The following METTL24 variants were observed in gnomAD, a reference collection of about 807,000 sequenced individuals.
The protein encoded by METTL24 is probable methyltransferase-like protein 24.
In METTL24, 29 loss-of-function variants were observed where a neutral mutation model predicts 32.7. The observed-to-expected ratio is 0.89, with a 90% CI of 0.66 to 1.21. The LOEUF (loss-of-function observed/expected upper bound fraction) is 1.21, where lower values mean the gene tolerates loss of function less well. Among genes scored for constraint, METTL24 ranks in the 50% most tolerant of loss-of-function variants. The pLI is 0.00. For synonymous variants in METTL24, 163 were observed against 179.5 expected (o/e 0.91, Z 0.73); for missense variants, 439 against 468.1 (o/e 0.94, Z 0.57).
chr6:110,245,836 CA>C lies in METTL24; in HGVS notation c.*109del. On this transcript the variant is annotated 3_prime_UTR_variant, in exon 5 of 5. Transcript: ENST00000338882. ...GCCCGCAATAACACACTCCCTGCCT[CA>C]AGCAGGGCACAGGCTAGCAGGAGAC... 1 of 1,115,560 alleles carries C rather than the reference CA, an allele frequency of 9.0e-7. No individual in the cohort carries two copies. Among genetic ancestry groups the C allele is most frequent in the South Asian group, 1.5e-5 (1 of 67,366 alleles). The allele number at this position is 1,115,560 out of a possible 1,614,324, so 69.1% of individuals were successfully genotyped here.
chr6:110,295,794 AAAGGAAGGAAGGAAGG>A (rs71018387), intron 4 of METTL24, among the ~76,000 whole-genome samples: 39 of 136,322 alleles, frequency 2.9e-4, no homozygotes, highest in Admixed American at 1.2e-3. Flanking sequence ...AGAAAGAAAG[AAAGGAAGGAAGGAAGG>A]AAGGAAGGAA....
At chr6:110,350,749 G>C (rs1015474474) in intron 1 of METTL24, among the ~76,000 whole-genome samples, 11 of 106,582 alleles carry the variant, frequency 1.0e-4, no homozygotes, top group African/African-American at 2.1e-4. Flanking sequence ...AACATAGTGA[G>C]ACCCTGTCTC....
intron 4 of METTL24, among the ~76,000 whole-genome samples, chr6:110,256,558 C>G (rs996600270): frequency 2.0e-5 from 3 of 152,150 alleles, no homozygotes; most frequent in African/African-American, 7.2e-5. Flanking sequence ...TGGCTCACAG[C>G]AGGTATGATA....
intron 4 of METTL24, among the ~76,000 whole-genome samples, chr6:110,286,273 T>C (rs759087076): frequency 3.3e-5 from 5 of 152,096 alleles, no homozygotes; most frequent in African/African-American, 4.8e-5. Context: ...GGCTGAGCCA[T>C]TTAAGTCCTT....
intron 1 of METTL24, among the ~76,000 whole-genome samples, chr6:110,355,126 T>G (rs1772678727): frequency 6.6e-6 from 1 of 152,122 alleles, no homozygotes; most frequent in Admixed American, 6.5e-5. Context: ...CCGAAATGGA[T>G]TATCAGGCCT....
At chr6:110,323,965 G>A (rs1223734328) in intron 1 of METTL24, among the ~76,000 whole-genome samples, 2 of 152,134 alleles carry the variant, frequency 1.3e-5, no homozygotes, top group Non-Finnish European at 2.9e-5. Context: ...GTACTGTGGT[G>A]GGAACTCTCA....
intron 1 of METTL24, among the ~76,000 whole-genome samples, chr6:110,349,599 T>C (rs1772553486): frequency 6.6e-6 from 1 of 152,254 alleles, no homozygotes; most frequent in African/African-American, 2.4e-5. Context: ...TGAGTTGATC[T>C]AGTAATAAGT....
chr6:110,352,231 T>C (rs1287728287), intron 1 of METTL24, among the ~76,000 whole-genome samples: 1 of 152,234 alleles, frequency 6.6e-6, no homozygotes, highest in Non-Finnish European at 1.5e-5. Flanking sequence ...TTAGCAATCT[T>C]AGCCTTGATT....
At chr6:110,352,194 T>C (rs1191651478) in intron 1 of METTL24, among the ~76,000 whole-genome samples, 1 of 152,158 alleles carries the variant, frequency 6.6e-6, no homozygotes, top group African/African-American at 2.4e-5. Context: ...CTGAACCGAG[T>C]AGTCATGTGC....
At chr6:110,325,099 C>T (rs1771995145) in intron 1 of METTL24, among the ~76,000 whole-genome samples, 1 of 152,110 alleles carries the variant, frequency 6.6e-6, no homozygotes, top group Non-Finnish European at 1.5e-5. Context: ...GCTGCAGCAG[C>T]CAGCACAGCA....
At chr6:110,268,440 T>G (rs1355234075) in intron 4 of METTL24, among the ~76,000 whole-genome samples, 1 of 152,148 alleles carries the variant, frequency 6.6e-6, no homozygotes, top group Non-Finnish European at 1.5e-5. Context: ...AACTTAACAG[T>G]TCCTTTGATA....
intron 1 of METTL24, among the ~76,000 whole-genome samples, chr6:110,354,720 G>T (rs2114783458): frequency 6.6e-6 from 1 of 152,290 alleles, no homozygotes; most frequent in East Asian, 1.9e-4. Context: ...TCCCAGAAGT[G>T]GGAGGATGGA....
chr6:110,335,549 A>G (rs1479099743), intron 1 of METTL24, among the ~76,000 whole-genome samples: 1 of 140,544 alleles, frequency 7.1e-6, no homozygotes, highest in East Asian at 2.2e-4. Flanking sequence ...CTTGCTTTGT[A>G]CTTGTAGGGA....
At chr6:110,277,547 T>G (rs1223185123) in intron 4 of METTL24, among the ~76,000 whole-genome samples, 1 of 152,166 alleles carries the variant, frequency 6.6e-6, no homozygotes, top group African/African-American at 2.4e-5. Context: ...CTACCCCATA[T>G]TAAATCTATG....
chr6:110,302,993 T>C (rs1019980175), intron 3 of METTL24, among the ~76,000 whole-genome samples: 2 of 151,870 alleles, frequency 1.3e-5, no homozygotes, highest in Non-Finnish European at 2.9e-5. Flanking sequence ...GGTTAGACAG[T>C]GGGTGCATCC....
At chr6:110,289,785 C>G (rs1385294095) in intron 4 of METTL24, among the ~76,000 whole-genome samples, 1 of 152,194 alleles carries the variant, frequency 6.6e-6, no homozygotes, top group South Asian at 2.1e-4. Context: ...CCTCAGCCAT[C>G]TAGTTCTTCT....
chr6:110,330,163 T>C (rs138159848), intron 1 of METTL24, among the ~76,000 whole-genome samples: 143 of 152,342 alleles, frequency 9.4e-4, no homozygotes, highest in African/African-American at 3.3e-3. Flanking sequence ...TCACTTTTCC[T>C]CCTTTTTTTT....
intron 4 of METTL24, among the ~76,000 whole-genome samples, chr6:110,276,464 C>T (rs1771049622): frequency 6.6e-6 from 1 of 151,992 alleles, no homozygotes; most frequent in Admixed American, 6.6e-5. Flanking sequence ...AACAAACAAA[C>T]AAAAAACATT....
At chr6:110,271,127 T>C (rs893989357) in intron 4 of METTL24, among the ~76,000 whole-genome samples, 19 of 152,112 alleles carry the variant, frequency 1.2e-4, no homozygotes, top group Non-Finnish European at 2.8e-4. Context: ...CCCAAAGTGC[T>C]GGGATTACAG....
Sources: allele counts gnomAD v4.1 joint callset (sites outside exome capture counted in the v4.1 genomes callset), GRCh38; gene constraint gnomAD v4.1.1; transcripts MANE v1.5; gene names NCBI Gene and HGNC (gene_info 2026-07-23, HGNC 2026-07-21).